Variants in NAT1 observed in about 807,000 individuals in gnomAD.
NAT1 encodes arylamine N-acetyltransferase 1.
For synonymous variants in NAT1, 144 were observed against 122.6 expected, an observed-to-expected ratio of 1.17 and a Z score of -1.16; for missense variants, 400 against 339.2, an observed-to-expected ratio of 1.18 and a Z score of -1.41.
chr8:18,205,333 C>A (rs529601716), upstream of NAT1, among the ~76,000 whole-genome samples: 1 of 152,142 alleles, frequency 6.6e-6, no homozygotes, highest in Non-Finnish European at 1.5e-5. Context: ...CATGGTCATA[C>A]TGGTGGTGGT....
In NAT1 at chr8:18,223,025, C is replaced by T. The variant is rs913646171; in HGVS notation, c.*105C>T. 7 of 858,362 alleles carry T rather than the reference C, an allele frequency of 8.2e-6. No homozygotes were observed. The highest frequency in any genetic ancestry group is 3.9e-5 in the Admixed American group (1 of 25,552). 53.2% of individuals were successfully genotyped at this position (858,362 alleles called of 1,614,324 possible). ...ACCCTTACCTTATTTTGAAGAAAAT[C>T]CTAGACATCAAATCATTTCACCTAT... On this transcript the variant is annotated 3_prime_UTR_variant, in exon 3 of 3. Coordinates refer to ENST00000307719, the MANE Select transcript of NAT1 (RefSeq NM_000662.8).
chr8:18,205,433 A>G (rs1803669697), upstream of NAT1, among the ~76,000 whole-genome samples: 1 of 152,098 alleles, frequency 6.6e-6, no homozygotes, highest in South Asian at 2.1e-4. Context: ...GGGGCAGGTG[A>G]GGATCCACTG....
chr8:18,202,053 C>G (rs1227914371), intron 2 of NAT1, among the ~76,000 whole-genome samples: 2 of 152,134 alleles, frequency 1.3e-5, no homozygotes, highest in African/African-American at 4.8e-5. Flanking sequence ...AAAGAAATCC[C>G]CATTTGTAAG....
chr8:18,186,972 GC>G (rs1192961517), intron 2 of NAT1, among the ~76,000 whole-genome samples: 1 of 152,124 alleles, frequency 6.6e-6, no homozygotes, highest in Non-Finnish European at 1.5e-5. Flanking sequence ...AAGAAATCTG[GC>G]AAAAAGTAAG....
chr8:18,195,314 C>T (rs1803186119), intron 2 of NAT1, among the ~76,000 whole-genome samples: 1 of 152,190 alleles, frequency 6.6e-6, no homozygotes, highest in African/African-American at 2.4e-5. Flanking sequence ...TAGATTGCTT[C>T]CAGAACTGCA....
intron 1 of NAT1, chr8:18,212,114 T>C (rs1804169096): frequency 6.6e-6 from 1 of 152,206 alleles, no homozygotes; most frequent in East Asian, 1.9e-4. Context: ...AAACCACTGC[T>C]GTATATTTAA....
chr8:18,204,375 G>A (rs948922993), intron 2 of NAT1, among the ~76,000 whole-genome samples: 3 of 152,180 alleles, frequency 2.0e-5, no homozygotes, highest in Non-Finnish European at 4.4e-5. Context: ...AGGGAAGTCA[G>A]TAAGGAGTGT....
chr8:18,196,955 A>G (rs1056381685), intron 2 of NAT1, among the ~76,000 whole-genome samples: 20 of 152,148 alleles, frequency 1.3e-4, no homozygotes, highest in Non-Finnish European at 2.9e-5. Flanking sequence ...GGAAATTATG[A>G]AGGAAAGAGG....
chr8:18,187,464 C>T (rs1293207347), intron 2 of NAT1, among the ~76,000 whole-genome samples: 1 of 152,274 alleles, frequency 6.6e-6, no homozygotes, highest in South Asian at 2.1e-4. Context: ...CCATCAATGG[C>T]GGACTGGCTT....
At chr8:18,171,189 A>G (rs1402576715) in intron 2 of NAT1, among the ~76,000 whole-genome samples, 1 of 152,206 alleles carries the variant, frequency 6.6e-6, no homozygotes, top group African/African-American at 2.4e-5. Context: ...CTCTGTAGAT[A>G]GGTAGAGTTA....
upstream of NAT1, among the ~76,000 whole-genome samples, chr8:18,207,256 C>T (rs369649004): frequency 1.1e-3 from 164 of 152,224 alleles, 1 homozygote; most frequent in African/African-American, 3.4e-3. Context: ...ATCAGTACCA[C>T]GCTGTTTTGG....
At chr8:18,215,337 GTTCTATTTTA>G (rs1804536125) in intron 1 of NAT1, among the ~76,000 whole-genome samples, 1 of 152,074 alleles carries the variant, frequency 6.6e-6, no homozygotes, top group South Asian at 2.1e-4. Flanking sequence ...CCTTGACTGC[GTTCTATTTTA>G]TTCTATCTTA....
intron 2 of NAT1, among the ~76,000 whole-genome samples, chr8:18,192,063 T>C (rs939328047): frequency 2.0e-5 from 3 of 150,668 alleles, no homozygotes; most frequent in Non-Finnish European, 3.0e-5. Flanking sequence ...ACCTACAAAA[T>C]GGGAGAAAAT....
intron 2 of NAT1, among the ~76,000 whole-genome samples, chr8:18,196,032 C>T (rs969248827): frequency 6.6e-6 from 1 of 151,848 alleles, no homozygotes; most frequent in African/African-American, 2.4e-5. Context: ...GATGGTGGAT[C>T]CAAGGATTAA....
intron 2 of NAT1, among the ~76,000 whole-genome samples, chr8:18,201,815 C>G (rs868538135): frequency 6.6e-6 from 1 of 152,156 alleles, no homozygotes; most frequent in Admixed American, 6.5e-5. Flanking sequence ...TCTAAGTGCT[C>G]TACCTTCCAG....
chr8:18,192,800 T>C (rs1300444202), intron 2 of NAT1, among the ~76,000 whole-genome samples: 1 of 138,328 alleles, frequency 7.2e-6, no homozygotes, highest in African/African-American at 2.8e-5. Flanking sequence ...CGAGAACACA[T>C]GGACACAGGA....
At chr8:18,222,004 G>C in intron 2 of NAT1, 38 bp from the exon 3 acceptor site, 1 of 1,563,164 alleles carries the variant, frequency 6.4e-7, no homozygotes, top group Non-Finnish European at 8.7e-7. Flanking sequence ...AAGTGTAAAA[G>C]TAAAATGATT....
chr8:18,217,548 G>A (rs1804808720), intron 1 of NAT1, among the ~76,000 whole-genome samples: 1 of 152,124 alleles, frequency 6.6e-6, no homozygotes, highest in South Asian at 2.1e-4. Flanking sequence ...AAAGTAAGTG[G>A]GACTTTCTGT....
chr8:18,171,844 A>G (rs1440581285), intron 2 of NAT1, among the ~76,000 whole-genome samples: 1 of 152,222 alleles, frequency 6.6e-6, no homozygotes, highest in African/African-American at 2.4e-5. Context: ...TAGCTAAGCC[A>G]TAACCTAATT....
Sources: allele counts gnomAD v4.1 joint callset (sites outside exome capture counted in the v4.1 genomes callset), GRCh38; gene constraint gnomAD v4.1.1; transcripts MANE v1.5; gene names NCBI Gene and HGNC (gene_info 2026-07-23, HGNC 2026-07-21).